The following CHDH variants were observed in gnomAD, a reference collection of about 807,000 sequenced individuals.
The protein encoded by CHDH is choline dehydrogenase, also known as choline dehydrogenase, mitochondrial.
CHDH carries 43 observed loss-of-function variants against 56.9 expected under a neutral mutation model. The ratio of observed to expected loss-of-function variants is 0.76; its 90% CI spans 0.59 to 0.97. The LOEUF (loss-of-function observed/expected upper bound fraction) is 0.97. Among genes scored for constraint, CHDH ranks in the 50% least tolerant of loss-of-function variants. CHDH has a pLI of 0.00. For synonymous variants in CHDH, 364 were observed against 348.5 expected (o/e 1.04, Z -0.50); for missense variants, 816 against 821.1 (o/e 0.99, Z 0.08).
At chr3:53,839,551 T>C (rs930367) in intron 2 of CHDH, among the ~76,000 whole-genome samples, 14,168 of 152,322 alleles carry the variant, frequency 0.093, 1,149 homozygotes, top group East Asian at 0.29. Context: ...GACATGACTA[T>C]GATTCTGCAG....
At chr3:53,833,392 G>A (rs540924491) in intron 2 of CHDH, among the ~76,000 whole-genome samples, 1 of 152,190 alleles carries the variant, frequency 6.6e-6, no homozygotes, top group African/African-American at 2.4e-5. Context: ...AACTCCTTGA[G>A]GACAGGGACT....
rs138353335 is a variant in CHDH, at chr3:53,840,303, G to A, written c.-60+626C>T. ...TGGGAGGCAGAGGTGGAGGTGGGAG[G>A]ACTGCTTGAGGCCAGGAGTTCAAGA... On this transcript the variant is annotated intron_variant, in intron 2 of 8. Transcript: ENST00000315251. 5.3e-5 allele frequency among the ~76,000 whole-genome samples: 8 copies of A among 152,256 alleles called. No homozygotes were observed. The East Asian group carries it at 1.5e-3, about 29-fold the overall frequency.
At chr3:53,844,336 CA>C (rs1473864362) in intron 1 of CHDH, among the ~76,000 whole-genome samples, 1 of 152,128 alleles carries the variant, frequency 6.6e-6, no homozygotes, top group Non-Finnish European at 1.5e-5. Context: ...TCTCTTTTTA[CA>C]AAACCCCCTC....
chr3:53,838,854 G>T (rs1001633855), intron 2 of CHDH, among the ~76,000 whole-genome samples: 1 of 152,200 alleles, frequency 6.6e-6, no homozygotes, highest in Non-Finnish European at 1.5e-5. Flanking sequence ...GGCCTAGGGG[G>T]TAGTAGCTTC....
chr3:53,824,065 TCC>T lies in CHDH; in HGVS notation c.-59_-58del. On this transcript the variant is annotated splice_region_variant and 5_prime_UTR_variant, in exon 3 of 9. Coordinates refer to ENST00000315251, the MANE Select transcript of CHDH (RefSeq NM_018397.5). ...GGAGGGGAATGAGATGACTCACTTC[TCC>T]CTAAAACAGGAAGAGGGGCTTTAAA... 3 of 1,383,624 alleles carry T rather than the reference TCC, an allele frequency of 2.2e-6. No homozygotes were observed. Among genetic ancestry groups the T allele is most frequent in the Admixed American group, 3.2e-5 (1 of 31,074 alleles). 85.7% of individuals were successfully genotyped at this position (1,383,624 alleles called of 1,614,324 possible).
chr3:53,816,131 A>ACCCCCCCCCCCCCCCCC lies in CHDH; in HGVS notation c.*1645_*1646insGGGGGGGGGGGGGGGGG, dbSNP rs202031062. 1 of 86,964 alleles carries ACCCCCCCCCCCCCCCCC rather than the reference A, an allele frequency of 1.1e-5. No individual in the cohort carries two copies. The highest frequency in any genetic ancestry group is 2.0e-5 in the Non-Finnish European group (1 of 50,546). The allele number at this position is 86,964 out of a possible 1,614,324, so 5.4% of individuals were successfully genotyped here. On this transcript the variant is annotated 3_prime_UTR_variant, in exon 9 of 9. Transcript: ENST00000315251. ...CAGAAAACTAACTTGTGGCTGTCGG[A>ACCCCCCCCCCCCCCCCC]CGCCCCCCCCCCCCGCCCCAGTCTG...
intron 6 of CHDH, among the ~76,000 whole-genome samples, chr3:53,820,080 G>T (rs2095623283): frequency 6.6e-6 from 1 of 152,196 alleles, no homozygotes; most frequent in Admixed American, 6.5e-5. Flanking sequence ...AATGGAAAAG[G>T]TTGAAAGATG....
chr3:53,814,127 A>G lies in CHDH; in HGVS notation c.*3650T>C, dbSNP rs2095611573. 1 of 152,198 alleles carries G rather than the reference A, an allele frequency of 6.6e-6. No individual in the cohort carries two copies. 9.4% of individuals were successfully genotyped at this position (152,198 alleles called of 1,614,324 possible). A position where few individuals can be genotyped will look rare whatever the true frequency, so the allele number is the denominator to read the frequency against. Reference sequence around the variant, plus strand: ...CTCGGTGCAGTCTCACCTGTGTGAGATGGGACCAGGGGCACCACTTGCTTT... The same window carrying G: ...CTCGGTGCAGTCTCACCTGTGTGAGGTGGGACCAGGGGCACCACTTGCTTT... On this transcript the variant is annotated 3_prime_UTR_variant, in exon 9 of 9. Transcript: ENST00000315251.
Position 53,846,416 on chromosome 3 carries a change from C to G in CHDH, c.-464G>C, listed in dbSNP as rs1306834555. The G allele has an allele frequency of 3.9e-5, 24 of 613,708 alleles. No homozygotes were observed. Among genetic ancestry groups the G allele is most frequent in the Non-Finnish European group, 6.0e-5 (23 of 381,860 alleles). 38.0% of individuals were successfully genotyped at this position (613,708 alleles called of 1,614,324 possible). Reference sequence around the variant, plus strand: ...GCCCATCCCTCCGAGCCCCAGCAGGCGAGGGCGCTGCGACCTGCCCCAGCC... The same window carrying G: ...GCCCATCCCTCCGAGCCCCAGCAGGGGAGGGCGCTGCGACCTGCCCCAGCC... On this transcript the variant is annotated 5_prime_UTR_variant, in exon 1 of 9. Transcript: ENST00000315251.
At position 53,814,951 on chromosome 3, in the gene CHDH, T is replaced by C. The variant is rs1021930632; in HGVS notation, c.*2826A>G. 1 of 152,224 alleles carries C rather than the reference T, an allele frequency of 6.6e-6. No individual in the cohort carries two copies. The highest frequency in any genetic ancestry group is 2.4e-5 in the African/African-American group (1 of 41,452). 9.4% of individuals were successfully genotyped at this position (152,224 alleles called of 1,614,324 possible). On this transcript the variant is annotated 3_prime_UTR_variant, in exon 9 of 9. Transcript: ENST00000315251. ...CTGGGATTACAGGCGTGAGCCACCA[T>C]GCCTAGCCAAGAAGAATCTATTTGA...
Position 53,823,691 on chromosome 3 carries a change from G to C in CHDH, c.318C>G (p.Cys106Trp). The C allele has an allele frequency of 6.5e-7, 1 of 1,549,016 alleles. No homozygotes were observed. The highest frequency in any genetic ancestry group is 8.7e-7 in the Non-Finnish European group (1 of 1,147,414). The change falls in exon 3 of 9, where the codon TGC (cysteine) becomes TGG (tryptophan). Residue 106 changes from cysteine (C) to tryptophan (W), a missense_variant. Transcript: ENST00000315251. ...GGCCCCGCTGCACCTCTGTGTGGTA[G>C]CACCAGTTGTACCTGTCGTCGCACA... ...ANLCDDRYNW[C>W]YHTEVQRGLD... is the part of the protein sequence containing the mutation.
Position 53,818,148 on chromosome 3 carries a change from T to A in CHDH, c.1414A>T (p.Ile472Phe), listed in dbSNP as rs1407327581. ...GGAGCCAGGGCTTCCTGTGCAAAAA[T>A]TTCTCTGGTGAGCTTCACACACAGA... ...FRLCVKLTRE[I>F]FAQEALAPFR... Residue 472 changes from isoleucine to phenylalanine, a missense_variant, in exon 9 of 9, where the codon ATT (isoleucine) becomes TTT (phenylalanine). Coordinates refer to ENST00000315251, the MANE Select transcript of CHDH (RefSeq NM_018397.5). The A allele has an allele frequency of 5.6e-6, 9 of 1,613,374 alleles. No individual in the cohort carries two copies. The highest frequency in any genetic ancestry group is 6.8e-6 in the Non-Finnish European group (8 of 1,179,794).
At chr3:53,820,329 G>A (rs1262768861) in intron 6 of CHDH, 145 bp downstream of exon 6, 7 of 956,434 alleles carry the variant, frequency 7.3e-6, no homozygotes, top group East Asian at 2.6e-5. Flanking sequence ...CCATTTTGAA[G>A]ATGGAAAAAC....
chr3:53,831,917 G>A (rs1486225957), intron 2 of CHDH, among the ~76,000 whole-genome samples: 2 of 149,508 alleles, frequency 1.3e-5, no homozygotes, highest in African/African-American at 5.0e-5. Context: ...TGGCACCACT[G>A]CACTCCAGCC....
At chr3:53,824,293 C>A (rs573317922) in intron 2 of CHDH, among the ~76,000 whole-genome samples, 174 of 152,354 alleles carry the variant, frequency 1.1e-3, no homozygotes, top group South Asian at 3.9e-3. Flanking sequence ...CCTCCCCCAA[C>A]TGAGGGGTAA....
chr3:53,826,641 C>G (rs200704787), intron 2 of CHDH, among the ~76,000 whole-genome samples: 1 of 145,260 alleles, frequency 6.9e-6, no homozygotes, highest in Non-Finnish European at 1.5e-5. Context: ...AACCCTACAA[C>G]TAACATCATA....
intron 5 of CHDH, among the ~76,000 whole-genome samples, chr3:53,821,279 G>C (rs1266029121): frequency 6.6e-6 from 1 of 152,192 alleles, no homozygotes; most frequent in African/African-American, 2.4e-5. Flanking sequence ...TTCATGCTCA[G>C]GGCAGCCAGC....
Position 53,823,423 on chromosome 3 carries a change from G to A in CHDH, c.586C>T (p.His196Tyr), listed in dbSNP as rs775931861. ...TCCAGGAATGCGCAGTGCAGCGGGTGGTTGGTCTTGCCCCGGGACACCCGC... is the reference window on the plus strand; with the variant it reads ...TCCAGGAATGCGCAGTGCAGCGGGTAGTTGGTCTTGCCCCGGGACACCCGC... ...PLRVSRGKTN[H>Y]PLHCAFLEAT... The change falls in exon 3 of 9, where the codon CAC becomes TAC. Residue 196 changes from histidine to tyrosine, a missense_variant. By Grantham distance (83) the His-to-Tyr change is moderately conservative. Coordinates refer to ENST00000315251, the MANE Select transcript of CHDH (RefSeq NM_018397.5). 1 of 1,588,050 alleles carries A rather than the reference G, an allele frequency of 6.3e-7. No homozygotes were observed. The highest frequency in any genetic ancestry group is 1.8e-5 in the Admixed American group (1 of 56,742).
chr3:53,821,569 C>G (rs1355291151), intron 5 of CHDH, 78 bp downstream of exon 5: 1 of 1,306,196 alleles, frequency 7.7e-7, no homozygotes, highest in East Asian at 2.3e-5. Context: ...CTCCCCACTT[C>G]ATGCTAATAA....
Sources: allele counts gnomAD v4.1 joint callset (sites outside exome capture counted in the v4.1 genomes callset), GRCh38; gene constraint gnomAD v4.1.1; transcripts MANE v1.5; gene names NCBI Gene and HGNC (gene_info 2026-07-23, HGNC 2026-07-21).